ANKFN1: variants seen among roughly 807,000 people sequenced by gnomAD.
ANKFN1 encodes the protein ankyrin repeat and fibronectin type-III domain-containing protein 1.
In ANKFN1, 74 loss-of-function variants were observed where a neutral mutation model predicts 108.7. The ratio of observed to expected loss-of-function variants is 0.68; its 90% CI spans 0.56 to 0.83. ANKFN1 has a LOEUF of 0.83. ANKFN1 is among the 40% of genes least tolerant of loss of function. ANKFN1 has a pLI of 0.00. For synonymous variants in ANKFN1, 547 were observed against 516.2 expected, an observed-to-expected ratio of 1.06 and a Z score of -0.81; for missense variants, 1,505 against 1,382.3, an observed-to-expected ratio of 1.09 and a Z score of -1.41.
chr17:56,494,304 A>G (rs933449602), intron 19 of ANKFN1, among the ~76,000 whole-genome samples: 1 of 152,150 alleles, frequency 6.6e-6, no homozygotes, highest in Non-Finnish European at 1.5e-5. Flanking sequence ...CATTCAAAAC[A>G]TTTACTTCAT....
At chr17:56,291,029 C>T (rs1426102258) in intron 3 of ANKFN1, among the ~76,000 whole-genome samples, 1 of 152,086 alleles carries the variant, frequency 6.6e-6, no homozygotes, top group African/African-American at 2.4e-5. Context: ...ATCTCAAAAC[C>T]ATGTCCCTCA....
intron 4 of ANKFN1, among the ~76,000 whole-genome samples, chr17:56,064,369 C>T (rs1014181415): frequency 1.3e-5 from 2 of 152,240 alleles, no homozygotes; most frequent in African/African-American, 4.8e-5. Flanking sequence ...ACTGCGGCCA[C>T]CACTCCCGCT....
intron 1 of ANKFN1, among the ~76,000 whole-genome samples, chr17:56,160,487 C>G (rs890169748): frequency 4.0e-5 from 6 of 151,876 alleles, no homozygotes; most frequent in African/African-American, 1.5e-4. Flanking sequence ...GCTATGGAAA[C>G]TTTAGGAGAG....
chr17:56,127,850 A>G (rs888091854), intron 4 of ANKFN1, among the ~76,000 whole-genome samples: 3 of 152,202 alleles, frequency 2.0e-5, no homozygotes, highest in Non-Finnish European at 2.9e-5. Context: ...GGGGCTAGGT[A>G]GTGAAGGTAA....
chr17:56,330,192 A>C (rs976413676), intron 4 of ANKFN1, among the ~76,000 whole-genome samples: 3 of 130,798 alleles, frequency 2.3e-5, no homozygotes, highest in Non-Finnish European at 5.3e-5. Flanking sequence ...TATGAAGTAA[A>C]GAGGTTTAAT....
intron 8 of ANKFN1, among the ~76,000 whole-genome samples, chr17:56,434,858 G>A (rs890775581): frequency 6.6e-6 from 1 of 152,074 alleles, no homozygotes. Context: ...TGGATCGGGG[G>A]AAGATTTCAT....
At chr17:56,342,237 T>C (rs1027244387) in intron 4 of ANKFN1, among the ~76,000 whole-genome samples, 2 of 151,566 alleles carry the variant, frequency 1.3e-5, no homozygotes, top group African/African-American at 4.8e-5. Context: ...CTTTTTTTTT[T>C]TTCAAAGAAA....
At chr17:56,265,718 G>A (rs1442948966) in intron 3 of ANKFN1, among the ~76,000 whole-genome samples, 2 of 152,094 alleles carry the variant, frequency 1.3e-5, no homozygotes, top group Non-Finnish European at 2.9e-5. Flanking sequence ...CATAGTATTT[G>A]CATATAACAT....
chr17:56,469,660 AAAC>A (rs1252203656), intron 15 of ANKFN1, among the ~76,000 whole-genome samples: 2 of 152,168 alleles, frequency 1.3e-5, no homozygotes, highest in African/African-American at 2.4e-5. Flanking sequence ...CCTCTGCAAA[AAAC>A]CTACTTCATA....
At chr17:56,367,999 C>T in intron 6 of ANKFN1, 1 of 258,858 alleles carries the variant, frequency 3.9e-6, no homozygotes, top group Non-Finnish European at 7.6e-6. Flanking sequence ...AATAAGTCAT[C>T]CCATCTCCCT....
intron 11 of ANKFN1, among the ~76,000 whole-genome samples, chr17:56,455,949 C>G (rs2049678029): frequency 6.6e-6 from 1 of 152,288 alleles, no homozygotes; most frequent in South Asian, 2.1e-4. Context: ...TCATACCCAT[C>G]CCTACACCCA....
At position 56,047,913 on chromosome 17, in the gene ANKFN1, CTT is replaced by C. The variant is rs573211843; in HGVS notation, c.288+1590_288+1591del. Reference sequence around the variant, plus strand: ...TATGAATAATCTGATGCCTGTGACTCTTTATTTTTTCCCGTTACTATTAATGC... The same window carrying C: ...TATGAATAATCTGATGCCTGTGACTCTATTTTTTCCCGTTACTATTAATGC... On this transcript the variant is annotated intron_variant, in intron 4 of 12. Transcript: ENST00000635860. Among the ~76,000 whole-genome samples, 209 of 152,254 alleles carry C rather than the reference CTT, an allele frequency of 1.4e-3. 1 individual carries two copies. The highest frequency in any genetic ancestry group is 4.8e-3 in the African/African-American group (199 of 41,538).
intron 4 of ANKFN1, among the ~76,000 whole-genome samples, chr17:56,346,223 T>G (rs1378054512): frequency 6.6e-6 from 1 of 151,938 alleles, no homozygotes; most frequent in Non-Finnish European, 1.5e-5. Context: ...ACTTCTGAGG[T>G]CTCTGTTCTG....
chr17:56,442,683 G>A (rs574009288), intron 9 of ANKFN1, among the ~76,000 whole-genome samples, 160 bp from the exon 10 acceptor site: 2 of 152,196 alleles, frequency 1.3e-5, no homozygotes, highest in African/African-American at 4.8e-5. Context: ...TGCTATAGAT[G>A]GGCTATAGTT....
intron 3 of ANKFN1, among the ~76,000 whole-genome samples, chr17:56,313,080 G>C (rs1426585898): frequency 6.6e-5 from 10 of 151,896 alleles, no homozygotes; most frequent in Admixed American, 6.6e-4. Flanking sequence ...CTTGAAGCGG[G>C]GAGGCGAGGT....
intron 3 of ANKFN1, among the ~76,000 whole-genome samples, chr17:56,241,708 T>A (rs1340431641): frequency 6.6e-6 from 1 of 152,118 alleles, no homozygotes; most frequent in East Asian, 1.9e-4. Flanking sequence ...ATTTAAAACT[T>A]AGGTACAGTA....
chr17:56,161,568 A>G (rs374631146), intron 1 of ANKFN1, among the ~76,000 whole-genome samples: 2 of 152,312 alleles, frequency 1.3e-5, no homozygotes, highest in East Asian at 1.9e-4. Context: ...CTAATTTCCA[A>G]ATTTCTGTAA....
At chr17:56,047,492 CT>C (rs1188123044) in intron 4 of ANKFN1, among the ~76,000 whole-genome samples, 2 of 152,046 alleles carry the variant, frequency 1.3e-5, no homozygotes, top group African/African-American at 4.8e-5. Flanking sequence ...GCGTGGTTGG[CT>C]GGATGCTTGG....
At chr17:56,450,866 A>G (rs982959714) in intron 11 of ANKFN1, among the ~76,000 whole-genome samples, 3 of 152,192 alleles carry the variant, frequency 2.0e-5, no homozygotes, top group Non-Finnish European at 2.9e-5. Context: ...CTGGATTCCT[A>G]TCTAATAATC....
Sources: gnomAD v4.1 joint callset for allele counts (sites outside exome capture counted in the v4.1 genomes callset) on GRCh38, gnomAD v4.1.1 for gene constraint, MANE v1.5 for transcripts, NCBI Gene and HGNC (gene_info 2026-07-23, HGNC 2026-07-21) for gene names.